The following LSAMP variants were observed in gnomAD, a reference collection of about 807,000 sequenced individuals.
The protein encoded by LSAMP is limbic system associated membrane protein, also known as limbic system-associated membrane protein.
Under a neutral mutation model 38.6 loss-of-function variants are expected in LSAMP, and 7 were observed. That is an observed-to-expected ratio of 0.18 (90% CI 0.10 to 0.34). The LOEUF is 0.34. Ranked by LOEUF, LSAMP falls within the 10% of genes least tolerant of loss-of-function variation. The pLI is 1.00. For synonymous variants in LSAMP, 154 were observed against 166.8 expected (o/e 0.92, Z 0.59); for missense variants, 313 against 420.0 (o/e 0.75, Z 2.23).
chr3:115,916,128 G>A (rs1937246191), intron 3 of LSAMP, among the ~76,000 whole-genome samples: 1 of 152,018 alleles, frequency 6.6e-6, no homozygotes, highest in African/African-American at 2.4e-5. Context: ...ATTCAATAGA[G>A]AGATAAATGC....
chr3:116,320,492 T>C (rs2047693821), intron 1 of LSAMP, among the ~76,000 whole-genome samples: 1 of 152,138 alleles, frequency 6.6e-6, no homozygotes, highest in South Asian at 2.1e-4. Context: ...AATTATGTCA[T>C]TACATGTAAC....
Position 115,807,286 on chromosome 3 carries a change from T to A in LSAMP, c.*3031A>T, listed in dbSNP as rs983088998. The A allele has an allele frequency of 3.9e-5, 6 of 152,206 alleles. No individual in the cohort carries two copies. The highest frequency in any genetic ancestry group is 1.4e-4 in the African/African-American group (6 of 41,436). The allele number at this position is 152,206 out of a possible 1,614,324, so 9.4% of individuals were successfully genotyped here. A position where few individuals can be genotyped will look rare whatever the true frequency, so the allele number is the denominator to read the frequency against. On this transcript the variant is annotated 3_prime_UTR_variant, in exon 7 of 7. Transcript: ENST00000490035. ...TGTTCACACTGCTTAGGGAACACTTTCAATCCTATGAAATTTCTGGGGACA... is the reference window on the plus strand; with the variant it reads ...TGTTCACACTGCTTAGGGAACACTTACAATCCTATGAAATTTCTGGGGACA...
intron 1 of LSAMP, among the ~76,000 whole-genome samples, chr3:116,313,976 C>T (rs2047595902): frequency 6.6e-6 from 1 of 152,150 alleles, no homozygotes. Flanking sequence ...CAAAATTGGA[C>T]TGTACGAAGT....
At chr3:116,084,622 A>T (rs1312991767) in intron 2 of LSAMP, among the ~76,000 whole-genome samples, 1 of 152,120 alleles carries the variant, frequency 6.6e-6, no homozygotes, top group African/African-American at 2.4e-5. Context: ...AAACCAAGGG[A>T]TATAGTGCTC....
At chr3:116,070,874 C>G (rs1173302792) in intron 2 of LSAMP, among the ~76,000 whole-genome samples, 1 of 151,950 alleles carries the variant, frequency 6.6e-6, no homozygotes, top group Non-Finnish European at 1.5e-5. Context: ...AACCCCATCT[C>G]TACTAAAAAT....
rs1409240160 is a variant in LSAMP, at chr3:116,362,691, T to A, written c.155+82186A>T. 9.5e-5 allele frequency among the ~76,000 whole-genome samples: 10 copies of A among 104,840 alleles called. No individual in the cohort carries two copies. In the East Asian group the frequency reaches 2.4e-3, roughly 25 times the overall value. 68.8% of individuals were successfully genotyped at this position (104,840 alleles called of 152,430 possible). ...GACCACAGTGCAATCAAACTAGAAC[T>A]CAGGATTAAGAATCTCACTGAAAGC... is the stretch of plus-strand genomic sequence containing the variant. On this transcript the variant is annotated intron_variant, in intron 1 of 6. Coordinates refer to ENST00000490035, the MANE Select transcript of LSAMP (RefSeq NM_002338.5).
At chr3:116,368,429 G>C (rs1037702968) in intron 1 of LSAMP, among the ~76,000 whole-genome samples, 1 of 152,178 alleles carries the variant, frequency 6.6e-6, no homozygotes, top group Admixed American at 6.5e-5. Context: ...TACAGAAAGA[G>C]TGAGTGGGAA....
At chr3:115,940,483 A>T (rs1364388516) in intron 3 of LSAMP, among the ~76,000 whole-genome samples, 1 of 152,154 alleles carries the variant, frequency 6.6e-6, no homozygotes, top group African/African-American at 2.4e-5. Flanking sequence ...GCTAGACACA[A>T]AAGTTCTCCA....
At chr3:116,391,632 G>A (rs993941373) in intron 1 of LSAMP, among the ~76,000 whole-genome samples, 2 of 151,052 alleles carry the variant, frequency 1.3e-5, no homozygotes, top group Admixed American at 6.6e-5. Flanking sequence ...AACCAGGGCA[G>A]TGCCACGTTT....
chr3:116,303,144 C>T (rs574870134), intron 1 of LSAMP, among the ~76,000 whole-genome samples: 1 of 152,300 alleles, frequency 6.6e-6, no homozygotes, highest in Non-Finnish European at 1.5e-5. Context: ...AAAGGCCTGG[C>T]TTCATCAGCA....
rs183790244 is a variant in LSAMP, at chr3:116,173,862, C to G, written c.156-87306G>C. 2.0e-5 allele frequency among the ~76,000 whole-genome samples: 3 copies of G among 150,300 alleles called. No homozygotes were observed. In the East Asian group the frequency reaches 5.9e-4, roughly 29 times the overall value. On this transcript the variant is annotated intron_variant, in intron 1 of 6. Coordinates refer to ENST00000490035, the MANE Select transcript of LSAMP (RefSeq NM_002338.5). ...TCCTCTTCTTCCATCTCTCCTTGTT[C>G]CGAAGATGCATTTCACACAGTTACC...
At chr3:115,889,389 T>C (rs1383701947) in intron 3 of LSAMP, among the ~76,000 whole-genome samples, 1 of 151,906 alleles carries the variant, frequency 6.6e-6, no homozygotes, top group Non-Finnish European at 1.5e-5. Flanking sequence ...CAGGGGTTAC[T>C]AAAGAATGAA....
chr3:115,854,696 G>A (rs1186171993), intron 3 of LSAMP, among the ~76,000 whole-genome samples: 2 of 152,150 alleles, frequency 1.3e-5, no homozygotes, highest in Non-Finnish European at 2.9e-5. Flanking sequence ...CAGGATTTAG[G>A]ATTGAAGGGG....
At chr3:115,830,865 C>T (rs1322589922) in intron 6 of LSAMP, among the ~76,000 whole-genome samples, 1 of 152,168 alleles carries the variant, frequency 6.6e-6, no homozygotes, top group Non-Finnish European at 1.5e-5. Context: ...CAGGTACGCC[C>T]TCTCCTCTAA....
chr3:115,984,034 G>A (rs1233337001), intron 3 of LSAMP, among the ~76,000 whole-genome samples: 4 of 152,042 alleles, frequency 2.6e-5, no homozygotes, highest in African/African-American at 9.7e-5. Context: ...GACCAGTTAA[G>A]AGGCTCCTGC....
At chr3:116,328,285 A>G (rs914640541) in intron 1 of LSAMP, among the ~76,000 whole-genome samples, 1 of 152,180 alleles carries the variant, frequency 6.6e-6, no homozygotes, top group Admixed American at 6.5e-5. Context: ...TCTAAACCAC[A>G]AAGAGCTCTC....
At chr3:116,238,821 C>T (rs1031320803) in intron 1 of LSAMP, among the ~76,000 whole-genome samples, 2 of 150,588 alleles carry the variant, frequency 1.3e-5, no homozygotes, top group Non-Finnish European at 3.0e-5. Flanking sequence ...GAAATGTGCT[C>T]AATATAAAAA....
chr3:116,021,571 AC>A (rs1940638409), intron 2 of LSAMP, among the ~76,000 whole-genome samples: 1 of 152,188 alleles, frequency 6.6e-6, no homozygotes, highest in South Asian at 2.1e-4. Context: ...ACAATCCAAA[AC>A]CTATCATAGA....
chr3:116,337,228 AT>A (rs756925291), intron 1 of LSAMP, among the ~76,000 whole-genome samples: 1 of 152,008 alleles, frequency 6.6e-6, no homozygotes, highest in Non-Finnish European at 1.5e-5. Flanking sequence ...ATATAAAAAA[AT>A]GTTACAGAGA....
Sources: gnomAD v4.1 joint callset for allele counts (sites outside exome capture counted in the v4.1 genomes callset) on GRCh38, gnomAD v4.1.1 for gene constraint, MANE v1.5 for transcripts, NCBI Gene and HGNC (gene_info 2026-07-23, HGNC 2026-07-21) for gene names.